The following TYW1B variants were observed in gnomAD, a reference collection of about 807,000 sequenced individuals.
The protein encoded by TYW1B is S-adenosyl-L-methionine-dependent tRNA 4-demethylwyosine synthase TYW1B.
A neutral mutation model predicts 86.9 loss-of-function variants in TYW1B; 73 were observed. That is an observed-to-expected ratio of 0.84 (90% CI 0.70 to 1.02). The LOEUF is 1.02. TYW1B is among the 50% of genes least tolerant of loss of function. The probability of loss-of-function intolerance (pLI) is 0.00; values close to 1 mark genes in which losing one functional copy is unlikely to be tolerated. For synonymous variants in TYW1B, 248 were observed against 292.8 expected (o/e 0.85, Z 1.56); for missense variants, 637 against 827.4 (o/e 0.77, Z 2.82).
intron 6 of TYW1B, among the ~76,000 whole-genome samples, chr7:72,777,847 C>T (rs1554470893): frequency 1.3e-5 from 2 of 152,048 alleles, no homozygotes; most frequent in African/African-American, 4.8e-5. Flanking sequence ...ACCCGGAAGG[C>T]GAAAGTTGCA....
intron 13 of TYW1B, among the ~76,000 whole-genome samples, chr7:72,595,669 C>T (rs572340040): frequency 3.6e-4 from 55 of 151,626 alleles, no homozygotes; most frequent in African/African-American, 1.3e-3. Context: ...AGCAACAGGG[C>T]GAGACTCCAT....
intron 11 of TYW1B, among the ~76,000 whole-genome samples, chr7:72,640,674 T>TA (rs1320925379): frequency 5.3e-5 from 8 of 152,068 alleles, no homozygotes; most frequent in African/African-American, 1.7e-4. Context: ...ATAGCATCAA[T>TA]ATGAAGTAAC....
intron 12 of TYW1B, among the ~76,000 whole-genome samples, chr7:72,625,911 AAAGG>A (rs1314561217): frequency 3.5e-5 from 5 of 143,712 alleles, no homozygotes; most frequent in East Asian, 4.2e-4. Context: ...GGGGGGGAAG[AAAGG>A]AAGGAAATGA....
At chr7:72,806,802 C>T (rs1202833237) in intron 5 of TYW1B, among the ~76,000 whole-genome samples, 2 of 151,932 alleles carry the variant, frequency 1.3e-5, no homozygotes, top group African/African-American at 2.4e-5. Flanking sequence ...AGGCATGCAC[C>T]ACCATGCCTT....
intron 6 of TYW1B, among the ~76,000 whole-genome samples, chr7:72,799,697 C>G (rs1361059771): frequency 6.6e-6 from 1 of 151,826 alleles, no homozygotes; most frequent in South Asian, 2.1e-4. Flanking sequence ...GATCACCTGA[C>G]CTCGTGATCT....
intron 11 of TYW1B, among the ~76,000 whole-genome samples, chr7:72,679,068 T>A (rs565818575): frequency 1.3e-5 from 2 of 152,054 alleles, no homozygotes; most frequent in Non-Finnish European, 2.9e-5. Context: ...CACCACTGCA[T>A]CCAGTCTGCC....
intron 11 of TYW1B, among the ~76,000 whole-genome samples, chr7:72,669,948 TAA>T (rs1813555518): frequency 6.7e-6 from 1 of 148,470 alleles, no homozygotes; most frequent in Non-Finnish European, 1.5e-5. Context: ...AATAAATAAA[TAA>T]ATAAATAAAT....
chr7:72,800,840 A>G (rs1468504982), intron 6 of TYW1B, among the ~76,000 whole-genome samples: 1 of 151,972 alleles, frequency 6.6e-6, no homozygotes, highest in East Asian at 1.9e-4. Flanking sequence ...ATCTAGATCT[A>G]GGAGGCTAGA....
At chr7:72,588,845 C>T (rs78984847) in intron 13 of TYW1B, among the ~76,000 whole-genome samples, 8,894 of 149,514 alleles carry the variant, frequency 0.059, 338 homozygotes, top group East Asian at 0.13. Context: ...CAGAGTCTTG[C>T]TCTGTCATCC....
chr7:72,721,974 C>A (rs1212619766), intron 9 of TYW1B, among the ~76,000 whole-genome samples: 2 of 152,264 alleles, frequency 1.3e-5, no homozygotes, highest in South Asian at 4.1e-4. Context: ...CAGTATATTC[C>A]TATTTCTAAA....
intron 7 of TYW1B, among the ~76,000 whole-genome samples, chr7:72,772,154 A>G (rs1787879799): frequency 6.6e-6 from 1 of 151,652 alleles, no homozygotes; most frequent in South Asian, 2.1e-4. Context: ...CAATCATGAA[A>G]CAATAAATTA....
intron 6 of TYW1B, among the ~76,000 whole-genome samples, chr7:72,785,360 AATT>A (rs1788109991): frequency 6.8e-6 from 1 of 147,558 alleles, no homozygotes; most frequent in African/African-American, 2.5e-5. Flanking sequence ...ATTAATATAT[AATT>A]ATATTAAATT....
At chr7:72,642,430 A>C (rs541725579) in intron 11 of TYW1B, among the ~76,000 whole-genome samples, 2 of 152,334 alleles carry the variant, frequency 1.3e-5, no homozygotes. Flanking sequence ...TGACCCAGTA[A>C]TTTTACTCGT....
At chr7:72,656,782 C>T (rs1401138708) in intron 11 of TYW1B, among the ~76,000 whole-genome samples, 2 of 152,108 alleles carry the variant, frequency 1.3e-5, no homozygotes, top group Non-Finnish European at 2.9e-5. Context: ...GGAGCAGGTG[C>T]ATCACATGGT....
At chr7:72,643,079 T>A (rs187240895) in intron 11 of TYW1B, among the ~76,000 whole-genome samples, 3 of 152,290 alleles carry the variant, frequency 2.0e-5, no homozygotes. Flanking sequence ...GTCATTTTTA[T>A]GCAAAGTAAA....
intron 11 of TYW1B, among the ~76,000 whole-genome samples, chr7:72,656,082 C>T (rs1356128173): frequency 2.6e-5 from 4 of 152,186 alleles, no homozygotes; most frequent in Non-Finnish European, 5.9e-5. Flanking sequence ...CAGGGCCATG[C>T]TGCCACCACC....
intron 12 of TYW1B, among the ~76,000 whole-genome samples, chr7:72,625,555 G>A (rs558949645): frequency 4.7e-5 from 6 of 127,106 alleles, no homozygotes; most frequent in East Asian, 1.9e-4. Flanking sequence ...GCCCAGGAGC[G>A]GGAGGCTGAG....
At chr7:72,798,312 A>T (rs1585991723) in intron 6 of TYW1B, among the ~76,000 whole-genome samples, 1 of 151,876 alleles carries the variant, frequency 6.6e-6, no homozygotes. Flanking sequence ...AACGGCGTGA[A>T]CCCAGGAGGC....
intron 2 of TYW1B, among the ~76,000 whole-genome samples, chr7:72,817,164 G>C (rs1376616224): frequency 2.6e-5 from 4 of 152,154 alleles, no homozygotes; most frequent in Non-Finnish European, 5.9e-5. Context: ...AACACTTTGG[G>C]AAGCCAAGGC....
Sources: gnomAD v4.1 joint callset for allele counts (sites outside exome capture counted in the v4.1 genomes callset) on GRCh38, gnomAD v4.1.1 for gene constraint, MANE v1.5 for transcripts, NCBI Gene and HGNC (gene_info 2026-07-23, HGNC 2026-07-21) for gene names.